Variants in BBS9 observed in about 807,000 individuals in gnomAD.
BBS9 encodes Bardet-Biedl syndrome 9, also known as protein PTHB1.
In BBS9, 89 loss-of-function variants were observed where a neutral mutation model predicts 117.7. The observed-to-expected ratio is 0.76, with a 90% CI of 0.64 to 0.90. BBS9 has a LOEUF of 0.90. Ranked by LOEUF, BBS9 falls within the 40% of genes least tolerant of loss-of-function variation. The probability of loss-of-function intolerance (pLI) is 0.00; values close to 1 mark genes in which losing one functional copy is unlikely to be tolerated. For missense variants in BBS9, 982 were observed against 1,042.2 expected (o/e 0.94, Z 0.80); for synonymous variants, 379 against 370.9 (o/e 1.02, Z -0.25).
chr7:33,239,544 G>A (rs1794116733), intron 5 of BBS9, among the ~76,000 whole-genome samples: 1 of 151,920 alleles, frequency 6.6e-6, no homozygotes, highest in Non-Finnish European at 1.5e-5. Context: ...CAAGTAGCTG[G>A]GATTACAGGC....
At chr7:33,295,355 C>T (rs1035318878) in intron 9 of BBS9, among the ~76,000 whole-genome samples, 2 of 151,862 alleles carry the variant, frequency 1.3e-5, no homozygotes, top group African/African-American at 4.8e-5. Flanking sequence ...AATTAAACTT[C>T]AAAGACTACA....
chr7:33,168,738 C>T (rs1258665376), intron 4 of BBS9, among the ~76,000 whole-genome samples: 1 of 152,114 alleles, frequency 6.6e-6, no homozygotes, highest in East Asian at 1.9e-4. Context: ...AAACCTCAAA[C>T]CAGATAATAT....
chr7:33,336,861 G>A (rs1815484257), intron 10 of BBS9, among the ~76,000 whole-genome samples: 2 of 152,262 alleles, frequency 1.3e-5, no homozygotes, highest in Admixed American at 1.3e-4. Flanking sequence ...TTCATGGACA[G>A]CACTATCTAG....
rs150600299 is a variant in BBS9, at chr7:33,229,126, T to C, written c.443-28110T>C. ...AGTTACATATAGGTATTAAAAAGATTACTATAGTGAAACAAATTAACATAT... is the reference window on the plus strand; with the variant it reads ...AGTTACATATAGGTATTAAAAAGATCACTATAGTGAAACAAATTAACATAT... On this transcript the variant is annotated intron_variant, in intron 5 of 22. Coordinates refer to ENST00000242067, the MANE Select transcript of BBS9 (RefSeq NM_198428.3). 1.7e-3 allele frequency among the ~76,000 whole-genome samples: 260 copies of C among 152,296 alleles called. 2 individuals carry two copies. Among genetic ancestry groups the C allele is most frequent in the African/African-American group, 5.6e-3 (233 of 41,574 alleles).
intron 2 of BBS9, among the ~76,000 whole-genome samples, chr7:33,151,694 C>T (rs1793351673): frequency 6.6e-6 from 1 of 151,872 alleles, no homozygotes; most frequent in Non-Finnish European, 1.5e-5. Context: ...GGATTACGGG[C>T]ATGCGCCACC....
chr7:33,461,322 G>A (rs1022360646), intron 19 of BBS9, among the ~76,000 whole-genome samples: 2 of 151,962 alleles, frequency 1.3e-5, no homozygotes, highest in South Asian at 4.1e-4. Context: ...TTCCACAGCA[G>A]TGGAATGATT....
intron 2 of BBS9, among the ~76,000 whole-genome samples, chr7:33,146,717 AAG>A (rs1554307669): frequency 0.011 from 1,630 of 147,988 alleles, 28 homozygotes; most frequent in African/African-American, 0.039. Context: ...AAAAAAAAAA[AAG>A]AGATAAAAAT....
chr7:33,144,160 G>A (rs1791981321), intron 1 of BBS9, among the ~76,000 whole-genome samples: 1 of 152,262 alleles, frequency 6.6e-6, no homozygotes, highest in South Asian at 2.1e-4. Context: ...TTAACATGTG[G>A]TGGCACAGGA....
At chr7:33,233,446 C>T (rs1792872051) in intron 5 of BBS9, among the ~76,000 whole-genome samples, 1 of 152,072 alleles carries the variant, frequency 6.6e-6, no homozygotes, top group Admixed American at 6.6e-5. Context: ...TTTTTGGAAT[C>T]ATTAGAGGTT....
intron 5 of BBS9, among the ~76,000 whole-genome samples, chr7:33,233,371 A>G (rs894004839): frequency 1.3e-5 from 2 of 152,140 alleles, no homozygotes; most frequent in Non-Finnish European, 2.9e-5. Flanking sequence ...ACTACAAATA[A>G]TCTGTCTAGT....
chr7:33,610,409 G>A (rs146524346), downstream of BBS9, among the ~76,000 whole-genome samples: 341 of 152,190 alleles, frequency 2.2e-3, 2 homozygotes, highest in African/African-American at 7.8e-3. Context: ...AGAAGGTTTG[G>A]TATCTGGTAA....
intron 17 of BBS9, 62 bp downstream of exon 17, chr7:33,367,924 G>A (rs2128714593): frequency 1.6e-6 from 2 of 1,268,786 alleles, no homozygotes; most frequent in Non-Finnish European, 2.3e-6. Context: ...ACATCACAGA[G>A]GATACTCACA....
intron 3 of BBS9, among the ~76,000 whole-genome samples, chr7:33,153,982 G>A (rs1793732657): frequency 6.6e-6 from 1 of 152,184 alleles, no homozygotes; most frequent in Non-Finnish European, 1.5e-5. Context: ...GTGAAACACA[G>A]CCAATAATCA....
intron 11 of BBS9, among the ~76,000 whole-genome samples, chr7:33,342,198 G>T (rs557571347): frequency 6.6e-6 from 1 of 151,916 alleles, no homozygotes; most frequent in Non-Finnish European, 1.5e-5. Context: ...TAGTAAATTG[G>T]GTACACAAAA....
At chr7:33,519,294 ACT>A (rs1286297586) in intron 20 of BBS9, among the ~76,000 whole-genome samples, 1 of 152,020 alleles carries the variant, frequency 6.6e-6, no homozygotes, top group South Asian at 2.1e-4. Context: ...TTTTCCCCAG[ACT>A]CTGTCAAATA....
intron 20 of BBS9, among the ~76,000 whole-genome samples, chr7:33,527,772 T>C (rs2129051914): frequency 6.6e-6 from 1 of 152,278 alleles, no homozygotes; most frequent in South Asian, 2.1e-4. Flanking sequence ...TGGCTCCTCC[T>C]CTCGGGCTGT....
chr7:33,521,813 G>A (rs1026749721), intron 20 of BBS9, among the ~76,000 whole-genome samples: 8 of 150,002 alleles, frequency 5.3e-5, no homozygotes, highest in African/African-American at 2.0e-4. Flanking sequence ...AGTTACATAT[G>A]TATACATGTG....
chr7:33,445,225 A>G (rs1460469639), intron 19 of BBS9, among the ~76,000 whole-genome samples: 1 of 152,224 alleles, frequency 6.6e-6, no homozygotes, highest in Non-Finnish European at 1.5e-5. Context: ...GCATTGACTA[A>G]CTGCTGAATG....
At chr7:33,620,069 A>G (rs1865329838) in intron 21 of BBS9, among the ~76,000 whole-genome samples, 1 of 152,066 alleles carries the variant, frequency 6.6e-6, no homozygotes, top group South Asian at 2.1e-4. Context: ...CTTTTGAAAA[A>G]CAAACAAAAT....
Sources: allele counts gnomAD v4.1 joint callset (sites outside exome capture counted in the v4.1 genomes callset), GRCh38; gene constraint gnomAD v4.1.1; transcripts MANE v1.5; gene names NCBI Gene and HGNC (gene_info 2026-07-23, HGNC 2026-07-21).